Variants in RBM48 observed in about 807,000 individuals in gnomAD.
The protein encoded by RBM48 is RNA-binding protein 48.
RBM48 carries 32 observed loss-of-function variants against 34.8 expected under a neutral mutation model. The observed-to-expected ratio is 0.92, with a 90% CI of 0.69 to 1.23. The LOEUF (loss-of-function observed/expected upper bound fraction) is 1.23. Among genes scored for constraint, RBM48 ranks in the 50% most tolerant of loss-of-function variants. The probability of loss-of-function intolerance (pLI) is 0.00; values close to 1 mark genes in which losing one functional copy is unlikely to be tolerated. For synonymous variants in RBM48, 151 were observed against 156.2 expected (o/e 0.97, Z 0.25); for missense variants, 441 against 447.2 (o/e 0.99, Z 0.12).
chr7:92,534,525 C>G lies in RBM48; in HGVS notation c.572C>G (p.Ser191Ter). 1 of 1,614,130 alleles carries G rather than the reference C, an allele frequency of 6.2e-7. No individual in the cohort carries two copies. The highest frequency in any genetic ancestry group is 8.5e-7 in the Non-Finnish European group (1 of 1,180,024). Residue 191 changes from serine (S) to a stop codon, truncating the protein, a stop_gained, in exon 4 of 5, where the codon TCA (serine) becomes TGA (stop). Transcript: ENST00000265732. LOFTEE classifies it high-confidence loss of function. The part of the protein sequence containing the change: ...KAALNTSAGN[S>*]NPYLPYSCEL... ...GCTTTGAACACTTCTGCAGGGAACT[C>G]AAATCCTTATCTTCCGTATTCCTGT...
Position 92,534,437 on chromosome 7 carries a change from CA to C in RBM48, c.485del (p.His162LeufsTer23). ...GACAAAGAAGAAATTGGTTACAGAG[CA>C]TAAAGACACAGAGGATTTTAGACAA... ...YVTKKKLVTE[H>X]KDTEDFRQDF... On this transcript the variant is annotated frameshift_variant, in exon 4 of 5. Transcript: ENST00000265732. LOFTEE classifies it high-confidence loss of function. 1 of 1,613,562 alleles carries C rather than the reference CA, an allele frequency of 6.2e-7. No individual in the cohort carries two copies.
Position 92,534,538 on chromosome 7 carries a change from T to G in RBM48, c.585T>G (p.Leu195=). The change falls in exon 4 of 5, where the codon CTT becomes CTG. Residue 195 remains leucine (L), a synonymous_variant. Coordinates refer to ENST00000265732, the MANE Select transcript of RBM48 (RefSeq NM_032120.4). ...CTGCAGGGAACTCAAATCCTTATCTTCCGTATTCCTGTGAATTGCCTTTAT... is the reference window on the plus strand; with the variant it reads ...CTGCAGGGAACTCAAATCCTTATCTGCCGTATTCCTGTGAATTGCCTTTAT... ...NTSAGNSNPY[L]PYSCELPLCY... is the part of the protein sequence containing the mutation. The G allele has an allele frequency of 6.2e-7, 1 of 1,614,174 alleles. No individual in the cohort carries two copies. Among genetic ancestry groups the G allele is most frequent in the Non-Finnish European group, 8.5e-7 (1 of 1,180,038 alleles).
At chr7:92,536,541 C>T (rs1392961721) in intron 4 of RBM48, 1 of 1,009,110 alleles carries the variant, frequency 9.9e-7, no homozygotes, top group Non-Finnish European at 1.2e-6. Context: ...GGATATCTAT[C>T]TGAATCCGTA....
chr7:92,531,070 A>G (rs1385166239), intron 2 of RBM48, among the ~76,000 whole-genome samples: 1 of 151,722 alleles, frequency 6.6e-6, no homozygotes, highest in African/African-American at 2.4e-5. Flanking sequence ...ATGGAGTGAG[A>G]CTCTGTCTCA....
chr7:92,534,182 A>G (rs1793644696), intron 3 of RBM48: 2 of 602,868 alleles, frequency 3.3e-6, no homozygotes, highest in Admixed American at 3.1e-5. Context: ...AACCAGACCC[A>G]TGGAGAGCAA....
intron 2 of RBM48, among the ~76,000 whole-genome samples, 190 bp from the exon 3 acceptor site, chr7:92,532,214 G>A (rs1793591682): frequency 6.6e-6 from 1 of 152,174 alleles, no homozygotes; most frequent in African/African-American, 2.4e-5. Flanking sequence ...GAGGCTCTAC[G>A]AGTACATACT....
chr7:92,538,947 C>T lies in RBM48; in HGVS notation c.*2010C>T, dbSNP rs915619536. 6.6e-6 allele frequency among the ~76,000 whole-genome samples: 1 copy of T among 152,152 alleles called. No individual in the cohort carries two copies. Among genetic ancestry groups the T allele is most frequent in the Admixed American group, 6.5e-5 (1 of 15,280 alleles). ...AGCCAGCACTCCTCATCCCCACCAA[C>T]ATAATTCATCATGAGGAGAGACAGA... On this transcript the variant is annotated 3_prime_UTR_variant, in exon 5 of 5. Coordinates refer to ENST00000265732, the MANE Select transcript of RBM48 (RefSeq NM_032120.4).
chr7:92,533,766 C>T (rs901960569), intron 3 of RBM48, among the ~76,000 whole-genome samples: 5 of 152,130 alleles, frequency 3.3e-5, no homozygotes, highest in Non-Finnish European at 7.4e-5. Context: ...TTAACATTAA[C>T]AATCATCAAC....
At chr7:92,536,211 C>G (rs1793708036) in intron 4 of RBM48, 1 of 984,802 alleles carries the variant, frequency 1.0e-6, no homozygotes, top group African/African-American at 1.7e-5. Flanking sequence ...GACATAGATA[C>G]ATACCTGTCT....
intron 3 of RBM48, among the ~76,000 whole-genome samples, chr7:92,533,967 TA>T (rs768646005): frequency 0.13 from 11,191 of 83,902 alleles, 526 homozygotes; most frequent in East Asian, 0.36. Context: ...TCTGAAATTG[TA>T]AAAAAAAAAA....
Position 92,539,920 on chromosome 7 carries a change from C to A in RBM48, c.*2983C>A, listed in dbSNP as rs1218631279. On this transcript the variant is annotated 3_prime_UTR_variant, in exon 5 of 5. Coordinates refer to ENST00000265732, the MANE Select transcript of RBM48 (RefSeq NM_032120.4). ...ATTGTATTGAAAGAGATCAAGTGTTCTAGCAGTTTGTGGTGTACTTGCTGA... is the reference window on the plus strand; with the variant it reads ...ATTGTATTGAAAGAGATCAAGTGTTATAGCAGTTTGTGGTGTACTTGCTGA... Among the ~76,000 whole-genome samples the A allele has an allele frequency of 1.3e-5, 2 of 152,198 alleles. No individual in the cohort carries two copies. The highest frequency in any genetic ancestry group is 2.9e-5 in the Non-Finnish European group (2 of 68,036).
intron 2 of RBM48, among the ~76,000 whole-genome samples, chr7:92,530,101 C>T (rs552066044): frequency 1.1e-3 from 164 of 149,778 alleles, no homozygotes; most frequent in Non-Finnish European, 1.8e-3. Flanking sequence ...CGCTTGAAAC[C>T]GGGAGGCAGA....
chr7:92,532,644 G>A (rs1300726371), intron 3 of RBM48, 95 bp downstream of exon 3: 2 of 844,056 alleles, frequency 2.4e-6, no homozygotes, highest in Non-Finnish European at 1.9e-6. Flanking sequence ...GGAGAGGCAA[G>A]TAAACCATCA....
At position 92,538,898 on chromosome 7, in the gene RBM48, C is replaced by T. The variant is rs1793791201; in HGVS notation, c.*1961C>T. Among the ~76,000 whole-genome samples the T allele has an allele frequency of 6.6e-6, 1 of 152,214 alleles. No homozygotes were observed. Among genetic ancestry groups the T allele is most frequent in the Non-Finnish European group, 1.5e-5 (1 of 68,040 alleles). On this transcript the variant is annotated 3_prime_UTR_variant, in exon 5 of 5. Transcript: ENST00000265732. ...GGGTCGTGTGTTTCTGAATGGGTTC[C>T]TGATAGTCCTGTGACCATGCGGAAG...
At position 92,529,562 on chromosome 7, in the gene RBM48, C is replaced by A; in HGVS notation, c.198C>A (p.Phe66Leu). The A allele has an allele frequency of 6.2e-7, 1 of 1,610,142 alleles. No individual in the cohort carries two copies. Among genetic ancestry groups the A allele is most frequent in the South Asian group, 1.1e-5 (1 of 90,944 alleles). ...TCATGAAGGAATTAGTTGAGCGATTCGCTTTATATGGTGCAATTGAACAGT... is the reference window on the plus strand; with the variant it reads ...TCATGAAGGAATTAGTTGAGCGATTAGCTTTATATGGTGCAATTGAACAGT... ...VGVMKELVER[F>L]ALYGAIEQYN... The change falls in exon 2 of 5, where the codon TTC becomes TTA. Residue 66 changes from phenylalanine (F) to leucine (L), a missense_variant. By Grantham distance (22) the Phe-to-Leu change is conservative. Coordinates refer to ENST00000265732, the MANE Select transcript of RBM48 (RefSeq NM_032120.4).
chr7:92,535,330 A>C, intron 4 of RBM48: 1 of 1,153,942 alleles, frequency 8.7e-7, no homozygotes, highest in Non-Finnish European at 1.1e-6. Flanking sequence ...AAGTATTGTA[A>C]ATTATTTCTC....
rs143904171 is a variant in RBM48, at chr7:92,532,629, T to C, written c.448+80T>C. 3.2e-4 allele frequency: 328 copies of C among 1,024,252 alleles called. 2 individuals carry two copies. In the African/African-American group the frequency reaches 5.0e-3, roughly 16 times the overall value. 63.4% of individuals were successfully genotyped at this position (1,024,252 alleles called of 1,614,324 possible). A position where few individuals can be genotyped will look rare whatever the true frequency, so the allele number is the denominator to read the frequency against. ...TGTCATCATGCAATTCCCAGTCTAGTGGTAGGAGAGGCAAGTAAACCATCA... is the reference window on the plus strand; with the variant it reads ...TGTCATCATGCAATTCCCAGTCTAGCGGTAGGAGAGGCAAGTAAACCATCA... On this transcript the variant is annotated intron_variant, in intron 3 of 4. Transcript: ENST00000265732.
chr7:92,529,132 GC>G, intron 1 of RBM48: 1 of 605,902 alleles, frequency 1.7e-6, no homozygotes, highest in East Asian at 2.8e-5. Context: ...ACGAGAATAG[GC>G]CTTGGTTTTA....
At chr7:92,532,603 G>A in intron 3 of RBM48, 54 bp downstream of exon 3, 2 of 1,309,508 alleles carry the variant, frequency 1.5e-6, no homozygotes, top group Non-Finnish European at 2.2e-6. Flanking sequence ...TCTGCCAGGT[G>A]TGTCATCATG....
Sources: gnomAD v4.1 joint callset for allele counts (sites outside exome capture counted in the v4.1 genomes callset) on GRCh38, gnomAD v4.1.1 for gene constraint, MANE v1.5 for transcripts, NCBI Gene and HGNC (gene_info 2026-07-23, HGNC 2026-07-21) for gene names.